Variants in NRXN3 observed in about 807,000 individuals in gnomAD.
NRXN3 encodes the protein neurexin III.
In NRXN3, 32 loss-of-function variants were observed where a neutral mutation model predicts 137.6. That is an observed-to-expected ratio of 0.23 (90% confidence interval 0.18 to 0.31). The LOEUF (loss-of-function observed/expected upper bound fraction) is 0.31, where lower values mean the gene tolerates loss of function less well. Among genes scored for constraint, NRXN3 ranks in the 10% least tolerant of loss-of-function variants. The pLI, the probability that NRXN3 is intolerant of heterozygous loss-of-function variation, is 1.00. For missense variants in NRXN3, 1,574 were observed against 2,062.5 expected, an observed-to-expected ratio of 0.76 and a Z score of 4.59; for synonymous variants, 798 against 784.5, an observed-to-expected ratio of 1.02 and a Z score of -0.29.
intron 4 of NRXN3, among the ~76,000 whole-genome samples, chr14:78,520,289 A>G (rs898072554): frequency 6.6e-6 from 1 of 152,234 alleles, no homozygotes; most frequent in Non-Finnish European, 1.5e-5. Flanking sequence ...ATGGGTAGAA[A>G]CAGATATTGT....
intron 16 of NRXN3, among the ~76,000 whole-genome samples, chr14:79,635,957 T>C (rs2098400715): frequency 6.6e-6 from 1 of 152,056 alleles, no homozygotes; most frequent in Admixed American, 6.6e-5. Context: ...TGGGGGAAAC[T>C]GCCACCAAGA....
At chr14:79,189,511 C>A (rs1308732936) in intron 15 of NRXN3, among the ~76,000 whole-genome samples, 3 of 151,666 alleles carry the variant, frequency 2.0e-5, no homozygotes, top group African/African-American at 7.3e-5. Context: ...ACATTGTGCA[C>A]ATGTACCCTA....
At chr14:79,613,794 T>C (rs1372241059) in intron 16 of NRXN3, among the ~76,000 whole-genome samples, 1 of 152,162 alleles carries the variant, frequency 6.6e-6, no homozygotes, top group East Asian at 1.9e-4. Context: ...TCAGAAACCA[T>C]TCTGTCTAAG....
At chr14:78,388,506 A>G (rs925209133) in intron 4 of NRXN3, among the ~76,000 whole-genome samples, 7 of 152,204 alleles carry the variant, frequency 4.6e-5, no homozygotes, top group African/African-American at 1.2e-4. Flanking sequence ...AAAGTAATTC[A>G]TGTTCATATG....
At chr14:78,947,375 C>T (rs765013988) in intron 10 of NRXN3, among the ~76,000 whole-genome samples, 16 of 152,208 alleles carry the variant, frequency 1.1e-4, no homozygotes, top group Admixed American at 2.0e-4. Flanking sequence ...TACCGTATTC[C>T]CAGAACTCTT....
intron 4 of NRXN3, among the ~76,000 whole-genome samples, chr14:78,356,474 T>C (rs1473232991): frequency 6.6e-6 from 1 of 152,242 alleles, no homozygotes; most frequent in Non-Finnish European, 1.5e-5. Flanking sequence ...GTGACTCCCA[T>C]ACCCCTTTAG....
At chr14:78,517,012 AT>A (rs1172425454) in intron 4 of NRXN3, among the ~76,000 whole-genome samples, 1 of 152,106 alleles carries the variant, frequency 6.6e-6, no homozygotes, top group African/African-American at 2.4e-5. Context: ...TTTTGTTTAA[AT>A]TTTTGTTAAA....
intron 6 of NRXN3, among the ~76,000 whole-genome samples, chr14:78,653,160 C>T (rs536760183): frequency 2.6e-5 from 4 of 152,300 alleles, no homozygotes; most frequent in African/African-American, 7.2e-5. Flanking sequence ...GTGCTATTAT[C>T]TCTCTGCAGG....
intron 4 of NRXN3, among the ~76,000 whole-genome samples, chr14:78,353,296 A>G (rs1449018756): frequency 6.6e-6 from 1 of 152,166 alleles, no homozygotes; most frequent in African/African-American, 2.4e-5. Flanking sequence ...CTAAAACAAA[A>G]TACCGTAGAT....
chr14:78,352,269 A>G (rs192135271), intron 4 of NRXN3, among the ~76,000 whole-genome samples: 6 of 152,310 alleles, frequency 3.9e-5, no homozygotes, highest in Admixed American at 6.5e-5. Flanking sequence ...ATTACCCCAC[A>G]GTATTTGTTG....
At chr14:79,031,684 A>G (rs2099608467) in intron 15 of NRXN3, among the ~76,000 whole-genome samples, 1 of 145,586 alleles carries the variant, frequency 6.9e-6, no homozygotes, top group Non-Finnish European at 1.5e-5. Flanking sequence ...TATATTGTGT[A>G]TCCAAAATCA....
intron 15 of NRXN3, among the ~76,000 whole-genome samples, chr14:79,434,498 G>T (rs190990905): frequency 6.6e-6 from 1 of 152,200 alleles, no homozygotes; most frequent in South Asian, 2.1e-4. Flanking sequence ...GCCCATGGCC[G>T]GAAATGCTAT....
At chr14:79,437,999 C>G (rs1166175392) in intron 15 of NRXN3, among the ~76,000 whole-genome samples, 5 of 152,052 alleles carry the variant, frequency 3.3e-5, no homozygotes, top group East Asian at 1.9e-4. Context: ...TTTTTGTACC[C>G]CCAGGCCTCA....
chr14:79,376,762 A>G (rs935178692), intron 15 of NRXN3, among the ~76,000 whole-genome samples: 1 of 152,124 alleles, frequency 6.6e-6, no homozygotes, highest in African/African-American at 2.4e-5. Context: ...TGTGTTTCCT[A>G]TTTGCTAGGT....
chr14:79,371,377 T>C (rs2094104852), intron 15 of NRXN3, among the ~76,000 whole-genome samples: 1 of 152,144 alleles, frequency 6.6e-6, no homozygotes, highest in Non-Finnish European at 1.5e-5. Flanking sequence ...TTTAGGTGGG[T>C]ATCTAGGAAT....
At chr14:79,670,394 G>A (rs1370449060) in intron 17 of NRXN3, among the ~76,000 whole-genome samples, 2 of 152,022 alleles carry the variant, frequency 1.3e-5, no homozygotes, top group African/African-American at 4.8e-5. Context: ...GTAACCAAGG[G>A]CCCCTGGCCC....
chr14:78,207,952 G>A (rs1230485954), intron 1 of NRXN3, among the ~76,000 whole-genome samples: 1 of 152,144 alleles, frequency 6.6e-6, no homozygotes, highest in East Asian at 1.9e-4. Flanking sequence ...TGCCTTGCCT[G>A]TAAAATCTCA....
chr14:79,558,018 A>G (rs2097448662), intron 16 of NRXN3, among the ~76,000 whole-genome samples: 1 of 152,106 alleles, frequency 6.6e-6, no homozygotes, highest in Non-Finnish European at 1.5e-5. Flanking sequence ...ATTCCATTTT[A>G]AGAAACCACT....
chr14:78,691,686 T>C (rs1461699303), intron 6 of NRXN3, among the ~76,000 whole-genome samples: 4 of 152,158 alleles, frequency 2.6e-5, no homozygotes, highest in African/African-American at 4.8e-5. Context: ...CTGAAATAGA[T>C]ATCTTGAGAT....
Sources: gnomAD v4.1 joint callset for allele counts (sites outside exome capture counted in the v4.1 genomes callset) on GRCh38, gnomAD v4.1.1 for gene constraint, MANE v1.5 for transcripts, NCBI Gene and HGNC (gene_info 2026-07-23, HGNC 2026-07-21) for gene names.